The following CEP128 variants were observed in gnomAD, a reference collection of about 807,000 sequenced individuals.
The protein encoded by CEP128 is centrosomal protein 128, also known as centrosomal protein 128kDa.
Under a neutral mutation model 156.7 loss-of-function variants are expected in CEP128, and 132 were observed. The observed-to-expected ratio is 0.84, with a 90% confidence interval of 0.73 to 0.97. The LOEUF is 0.97. Ranked by LOEUF, CEP128 falls within the 50% of genes least tolerant of loss-of-function variation. The probability of loss-of-function intolerance (pLI) is 0.00; values close to 1 mark genes in which losing one functional copy is unlikely to be tolerated. For synonymous variants in CEP128, 469 were observed against 448.9 expected (o/e 1.04, Z -0.57); for missense variants, 1,252 against 1,281.9 (o/e 0.98, Z 0.36).
chr14:80,656,301 A>ATATATATATATTTT (rs1895154162), intron 19 of CEP128, among the ~76,000 whole-genome samples: 1 of 14,322 alleles, frequency 7.0e-5, no homozygotes, highest in African/African-American at 3.3e-4. Flanking sequence ...TTATATATAT[A>ATATATATATATTTT]TATATATATA....
intron 17 of CEP128, 35 bp downstream of exon 17, chr14:80,761,402 T>A: frequency 6.9e-7 from 1 of 1,447,360 alleles, no homozygotes; most frequent in Admixed American, 1.9e-5. Flanking sequence ...GGAAACTAAC[T>A]GAAAATATAA....
intron 13 of CEP128, among the ~76,000 whole-genome samples, chr14:80,801,086 G>A (rs1329817715): frequency 6.6e-6 from 1 of 152,324 alleles, no homozygotes; most frequent in South Asian, 2.1e-4. Flanking sequence ...GAGGGCTAAA[G>A]AGAGATTAAA....
intron 21 of CEP128, among the ~76,000 whole-genome samples, chr14:80,558,533 C>A (rs554836399): frequency 1.3e-5 from 2 of 152,186 alleles, no homozygotes; most frequent in South Asian, 4.2e-4. Flanking sequence ...TGTGATCCAC[C>A]CGCCTCGGCC....
intron 19 of CEP128, among the ~76,000 whole-genome samples, chr14:80,625,754 CTCTT>C (rs1020346596): frequency 6.6e-6 from 1 of 151,418 alleles, no homozygotes; most frequent in African/African-American, 2.4e-5. Context: ...TCCTTCATTT[CTCTT>C]TCTTTCCCTC....
intron 16 of CEP128, among the ~76,000 whole-genome samples, chr14:80,769,829 GA>G (rs927842913): frequency 2.0e-5 from 3 of 150,620 alleles, no homozygotes; most frequent in African/African-American, 7.3e-5. Flanking sequence ...AAATGCTGAT[GA>G]AAAAAAAACT....
At chr14:80,935,441 T>C (rs1349582076) in intron 2 of CEP128, among the ~76,000 whole-genome samples, 1 of 151,402 alleles carries the variant, frequency 6.6e-6, no homozygotes, top group African/African-American at 2.4e-5. Flanking sequence ...ATCCCTGCTA[T>C]TTGAGAGGCT....
At chr14:80,793,159 G>T (rs779193031) in intron 13 of CEP128, 49 bp from the exon 14 acceptor site, 2 of 1,435,048 alleles carry the variant, frequency 1.4e-6, no homozygotes, top group Non-Finnish European at 1.9e-6. Flanking sequence ...TGTCAAAATT[G>T]GATGTGTAGC....
chr14:80,772,178 T>G (rs1273889131), intron 16 of CEP128, among the ~76,000 whole-genome samples: 1 of 152,122 alleles, frequency 6.6e-6, no homozygotes, highest in East Asian at 1.9e-4. Context: ...AAATTCCTGT[T>G]TTTGTGCCCA....
chr14:80,628,698 G>C (rs892445834), intron 19 of CEP128, among the ~76,000 whole-genome samples: 1 of 152,092 alleles, frequency 6.6e-6, no homozygotes, highest in Non-Finnish European at 1.5e-5. Context: ...ACAATCTTTT[G>C]GCAACAGGGA....
intron 19 of CEP128, among the ~76,000 whole-genome samples, chr14:80,711,298 TGTG>T (rs1232840348): frequency 1.4e-4 from 9 of 64,786 alleles, no homozygotes; most frequent in African/African-American, 3.9e-4. Context: ...GACTATGTTG[TGTG>T]TGTGTGTGTG....
intron 19 of CEP128, among the ~76,000 whole-genome samples, chr14:80,612,992 C>T (rs937598488): frequency 5.2e-4 from 78 of 149,266 alleles, no homozygotes; most frequent in Non-Finnish European, 1.0e-3. Flanking sequence ...AGGTGCACGC[C>T]GCCACACCCG....
chr14:80,791,623 A>G (rs1050090756), intron 14 of CEP128, among the ~76,000 whole-genome samples: 1 of 152,184 alleles, frequency 6.6e-6, no homozygotes, highest in Non-Finnish European at 1.5e-5. Flanking sequence ...AAGATAGAGC[A>G]ATTTCCTGGG....
intron 19 of CEP128, among the ~76,000 whole-genome samples, chr14:80,682,796 C>T (rs1277863746): frequency 6.6e-6 from 1 of 152,088 alleles, no homozygotes; most frequent in African/African-American, 2.4e-5. Context: ...GTTCGGCACT[C>T]GCAGAGAAAA....
At chr14:80,477,989 C>T (rs978412799) in exon 15 of CEP128, 2 of 152,076 alleles carry the variant, frequency 1.3e-5, no homozygotes, top group African/African-American at 4.8e-5. Context: ...TAATAGGACA[C>T]TCAAAAGAAA....
chr14:80,619,367 G>GACACACAGAC (rs1555383070), intron 19 of CEP128, among the ~76,000 whole-genome samples: 2 of 139,472 alleles, frequency 1.4e-5, no homozygotes, highest in African/African-American at 5.4e-5. Context: ...AAGACACACA[G>GACACACAGAC]ACACACACAC....
intron 21 of CEP128, among the ~76,000 whole-genome samples, chr14:80,547,988 C>T (rs1409111806): frequency 2.6e-5 from 4 of 151,902 alleles, no homozygotes; most frequent in African/African-American, 4.8e-5. Context: ...TTAGTAGAAA[C>T]GGGGTTTCAC....
chr14:80,800,977 T>C (rs1373365801), intron 13 of CEP128, among the ~76,000 whole-genome samples: 3 of 152,078 alleles, frequency 2.0e-5, no homozygotes, highest in African/African-American at 7.2e-5. Flanking sequence ...AGAGAAAAGA[T>C]TGGGTCACTT....
chr14:80,943,172 A>G (rs560051059), upstream of CEP128, among the ~76,000 whole-genome samples: 28 of 152,350 alleles, frequency 1.8e-4, no homozygotes, highest in Admixed American at 5.2e-4. Context: ...AATTCAGCAA[A>G]TGTATGCTGT....
chr14:80,957,103 C>T (rs1461786448), intron 2 of CEP128, among the ~76,000 whole-genome samples: 4 of 152,078 alleles, frequency 2.6e-5, no homozygotes, highest in Admixed American at 6.5e-5. Context: ...TGGCACTTCC[C>T]CAAAGGTCCC....
Sources: gnomAD v4.1 joint callset for allele counts (sites outside exome capture counted in the v4.1 genomes callset) on GRCh38, gnomAD v4.1.1 for gene constraint, MANE v1.5 for transcripts, NCBI Gene and HGNC (gene_info 2026-07-23, HGNC 2026-07-21) for gene names.